Variants in FNDC1 observed in about 807,000 individuals in gnomAD.
FNDC1 encodes fibronectin type III domain containing 1.
In FNDC1, 96 loss-of-function variants were observed where a neutral mutation model predicts 168.0. The ratio of observed to expected loss-of-function variants is 0.57; its 90% CI spans 0.48 to 0.68. The LOEUF is 0.68. Among genes scored for constraint, FNDC1 ranks in the 30% least tolerant of loss-of-function variants. FNDC1 has a pLI of 0.00. For synonymous variants in FNDC1, 1,099 were observed against 1,025.9 expected (o/e 1.07, Z -1.36); for missense variants, 2,587 against 2,482.1 (o/e 1.04, Z -0.90).
At chr6:159,202,767 GA>G (rs1226269423) in intron 4 of FNDC1, among the ~76,000 whole-genome samples, 8 of 152,220 alleles carry the variant, frequency 5.3e-5, no homozygotes, top group Non-Finnish European at 1.0e-4. Flanking sequence ...AGGTGTTAGA[GA>G]TACAAGCTAG....
chr6:159,178,312 G>A (rs1324612368), intron 1 of FNDC1, among the ~76,000 whole-genome samples: 2 of 152,162 alleles, frequency 1.3e-5, no homozygotes, highest in Non-Finnish European at 1.5e-5. Flanking sequence ...CTGAGTATGC[G>A]TATAGTTCAC....
At position 159,214,949 on chromosome 6, in the gene FNDC1, G is replaced by C; in HGVS notation, c.465G>C (p.Lys155Asn). 6.2e-7 allele frequency: 1 copy of C among 1,613,794 alleles called. No individual in the cohort carries two copies. The change falls in exon 5 of 23, where the codon AAG becomes AAC. Residue 155 changes from lysine (K) to asparagine (N), a missense_variant. By Grantham distance (94) the Lys-to-Asn change is moderately conservative. Coordinates refer to ENST00000297267, the MANE Select transcript of FNDC1 (RefSeq NM_032532.3). ...TTGTGTCCTGCCCTCTTTAAGAAAAGGAAGTGCCCAACAAGCCCTTGCGTG... is the reference window on the plus strand; with the variant it reads ...TTGTGTCCTGCCCTCTTTAAGAAAACGAAGTGCCCAACAAGCCCTTGCGTG... Reference protein sequence around the residue: ...PGPFNETVTEKEVPNKPLRVR... With the variant: ...PGPFNETVTENEVPNKPLRVR...
intron 14 of FNDC1, among the ~76,000 whole-genome samples, chr6:159,242,395 T>G (rs1235505522): frequency 1.3e-5 from 2 of 152,068 alleles, no homozygotes; most frequent in Non-Finnish European, 2.9e-5. Context: ...GGCTTAATAC[T>G]TAGGTGATGG....
intron 14 of FNDC1, 33 bp downstream of exon 14, chr6:159,239,990 C>G: frequency 1.4e-6 from 2 of 1,455,658 alleles, no homozygotes; most frequent in Non-Finnish European, 1.8e-6. Context: ...TAACTACTTA[C>G]CAGGCACACT....
intron 5 of FNDC1, among the ~76,000 whole-genome samples, chr6:159,220,555 A>C (rs1204243797): frequency 6.6e-6 from 1 of 152,240 alleles, no homozygotes; most frequent in Non-Finnish European, 1.5e-5. Context: ...ACCCTGGGCA[A>C]GTCACTCAAT....
Position 159,246,933 on chromosome 6 carries a change from G to T in FNDC1, c.4654G>T (p.Val1552Leu), listed in dbSNP as rs1201300160. The T allele has an allele frequency of 1.9e-6, 3 of 1,612,890 alleles. No individual in the cohort carries two copies. The African/African-American group carries it at 4.0e-5, about 22-fold the overall frequency. The change falls in exon 15 of 23, where the codon GTA (valine) becomes TTA (leucine). Residue 1552 changes from valine (V) to leucine (L), a missense_variant. By Grantham distance (32) the Val-to-Leu change is conservative. Transcript: ENST00000297267. ...CTCAGGCTTGGAGACTGACACTGCAGTACCTACGGAAGAGGCCTACGTTAT... is the reference window on the plus strand; with the variant it reads ...CTCAGGCTTGGAGACTGACACTGCATTACCTACGGAAGAGGCCTACGTTAT... ...EFSGLETDTA[V>L]PTEEAYVIYD...
In FNDC1 at chr6:159,233,223, G is replaced by A. The variant is rs755673291; in HGVS notation, c.2711G>A (p.Arg904Gln). 3.1e-6 allele frequency: 5 copies of A among 1,613,530 alleles called. No homozygotes were observed. The highest frequency in any genetic ancestry group is 3.3e-5 in the Admixed American group (2 of 59,964). Residue 904 changes from arginine to glutamine, a missense_variant, in exon 11 of 23, where the codon CGG becomes CAG. Coordinates refer to ENST00000297267, the MANE Select transcript of FNDC1 (RefSeq NM_032532.3). The surrounding 1 kb of genome is among the most constrained non-coding windows in gnomAD (Gnocchi z 4.6). Reference protein sequence around the residue: ...VPSSSRQPISRGWEDLRRSPQ... With the variant: ...VPSSSRQPISQGWEDLRRSPQ... The stretch of plus-strand genomic sequence containing the variant: ...TCCTCCTCCAGGCAGCCCATCTCCC[G>A]GGGCTGGGAGGACTTAAGGAGAAGC...
chr6:159,249,900 C>T (rs1777221318), intron 16 of FNDC1, among the ~76,000 whole-genome samples: 1 of 152,312 alleles, frequency 6.6e-6, no homozygotes, highest in African/African-American at 2.4e-5. Context: ...GAGCAGAGAA[C>T]AGCTCTTGCT....
rs1395988151 is a variant in FNDC1 at position 159,225,677 on chromosome 6, G to T, written c.1027G>T (p.Asp343Tyr). Residue 343 changes from aspartate (D) to tyrosine (Y), a missense_variant, in exon 8 of 23, where the codon GAT becomes TAT. Coordinates refer to ENST00000297267, the MANE Select transcript of FNDC1 (RefSeq NM_032532.3). ...AGTCCGTATTTCACAGGGTGAAAGAGATGGCAAATGGAGTACGTCAGTCTT... is the reference window on the plus strand; with the variant it reads ...AGTCCGTATTTCACAGGGTGAAAGATATGGCAAATGGAGTACGTCAGTCTT... ...FAVRISQGERDGKWSTSVFQR... is the reference protein window; with the variant it reads ...FAVRISQGERYGKWSTSVFQR... 1 of 1,613,856 alleles carries T rather than the reference G, an allele frequency of 6.2e-7. No homozygotes were observed. Among genetic ancestry groups the T allele is most frequent in the Non-Finnish European group, 8.5e-7 (1 of 1,179,778 alleles).
chr6:159,252,936 G>C (rs910135769), intron 17 of FNDC1, among the ~76,000 whole-genome samples: 3 of 152,182 alleles, frequency 2.0e-5, no homozygotes, highest in African/African-American at 4.8e-5. Context: ...ACGCCTCAAG[G>C]GTTCTTGCAG....
At chr6:159,221,437 C>G (rs1285629231) in intron 5 of FNDC1, among the ~76,000 whole-genome samples, 161 bp from the exon 6 acceptor site, 1 of 152,148 alleles carries the variant, frequency 6.6e-6, no homozygotes, top group Non-Finnish European at 1.5e-5. Context: ...AGTTCTTGGG[C>G]TCGCCCTTCA....
intron 17 of FNDC1, among the ~76,000 whole-genome samples, chr6:159,254,027 C>T (rs1456902201): frequency 1.3e-5 from 2 of 152,234 alleles, no homozygotes; most frequent in African/African-American, 4.8e-5. Context: ...AGTTCAATGA[C>T]TCTCCTCTAG....
At chr6:159,199,466 G>A (rs114258954) in intron 2 of FNDC1, among the ~76,000 whole-genome samples, 35 of 152,304 alleles carry the variant, frequency 2.3e-4, no homozygotes, top group African/African-American at 7.7e-4. Context: ...ATAGTAAGGG[G>A]AATATTTTAT....
chr6:159,205,073 A>C (rs904786791), intron 4 of FNDC1, among the ~76,000 whole-genome samples: 2 of 152,150 alleles, frequency 1.3e-5, no homozygotes, highest in Non-Finnish European at 2.9e-5. Flanking sequence ...CATCTACATC[A>C]GTTTCTTGGA....
rs184665644 is a variant in FNDC1 at position 159,184,026 on chromosome 6, T to C, written c.110-13405T>C. On this transcript the variant is annotated intron_variant, in intron 1 of 22. Coordinates refer to ENST00000297267, the MANE Select transcript of FNDC1 (RefSeq NM_032532.3). Reference sequence around the variant, plus strand: ...ATAGTAGAAAGAGCATGGTCCATAGTTTCAGATGGGTCTGAGCTTGACTGT... The same window carrying C: ...ATAGTAGAAAGAGCATGGTCCATAGCTTCAGATGGGTCTGAGCTTGACTGT... Among the ~76,000 whole-genome samples, 138 of 152,386 alleles carry C rather than the reference T, an allele frequency of 9.1e-4. No individual in the cohort carries two copies. In the East Asian group the frequency reaches 0.021, roughly 24 times the overall value.
intron 18 of FNDC1, among the ~76,000 whole-genome samples, chr6:159,257,720 C>T (rs561802403): frequency 1.2e-3 from 184 of 152,198 alleles, no homozygotes; most frequent in African/African-American, 4.1e-3. Context: ...CATTTGGGCC[C>T]GCTTGAGCTG....
intron 1 of FNDC1, among the ~76,000 whole-genome samples, chr6:159,192,111 C>G (rs940932784): frequency 1.3e-5 from 2 of 152,134 alleles, no homozygotes; most frequent in Non-Finnish European, 2.9e-5. Flanking sequence ...CTCCTGGGCT[C>G]AGGTGATCCA....
At chr6:159,209,144 G>T (rs1217602599) in intron 4 of FNDC1, among the ~76,000 whole-genome samples, 7 of 152,124 alleles carry the variant, frequency 4.6e-5, no homozygotes, top group African/African-American at 4.8e-5. Context: ...ACCATGCCCA[G>T]GCTACTTTTA....
intron 17 of FNDC1, among the ~76,000 whole-genome samples, chr6:159,255,345 T>G (rs1219500690): frequency 6.6e-6 from 1 of 152,166 alleles, no homozygotes; most frequent in Non-Finnish European, 1.5e-5. Flanking sequence ...ACAGCTTATC[T>G]GCTTCTTATC....
Sources: gnomAD v4.1 joint callset for allele counts (sites outside exome capture counted in the v4.1 genomes callset) on GRCh38, gnomAD v4.1.1 for gene constraint, Gnocchi (gnomAD v3.1) non-coding constraint, MANE v1.5 for transcripts, NCBI Gene and HGNC (gene_info 2026-07-23, HGNC 2026-07-21) for gene names.